RBFOX1: variants seen among roughly 807,000 people sequenced by gnomAD.
The protein encoded by RBFOX1 is RNA binding fox-1 homolog 1, also known as RNA binding protein fox-1 homolog 1.
In RBFOX1, 8 loss-of-function variants were observed where a neutral mutation model predicts 57.7. The ratio of observed to expected loss-of-function variants is 0.14; its 90% CI spans 0.08 to 0.25. The LOEUF is 0.25. RBFOX1 is among the 10% of genes least tolerant of loss of function. RBFOX1 has a pLI of 1.00. For synonymous variants in RBFOX1, 326 were observed against 222.4 expected, an observed-to-expected ratio of 1.47 and a Z score of -4.15; for missense variants, 611 against 548.5, an observed-to-expected ratio of 1.11 and a Z score of -1.14.
intron 2 of RBFOX1, among the ~76,000 whole-genome samples, chr16:5,512,409 C>T (rs1017249532): frequency 2.3e-5 from 3 of 130,956 alleles, no homozygotes; most frequent in African/African-American, 1.1e-4. Flanking sequence ...TCCTCCTACT[C>T]CTCTCTCTTT....
chr16:7,320,839 G>A (rs533845190), intron 4 of RBFOX1, among the ~76,000 whole-genome samples: 1 of 152,286 alleles, frequency 6.6e-6, no homozygotes, highest in East Asian at 1.9e-4. Flanking sequence ...ACCCTGTAAG[G>A]GGAGTGTTAT....
chr16:6,388,998 CT>C (rs1373950609), intron 2 of RBFOX1, among the ~76,000 whole-genome samples: 1 of 152,150 alleles, frequency 6.6e-6, no homozygotes, highest in African/African-American at 2.4e-5. Flanking sequence ...CCAGCTAAGC[CT>C]TAACCCTTTT....
At chr16:5,833,110 C>T (rs973374648) in intron 3 of RBFOX1, among the ~76,000 whole-genome samples, 18 of 152,046 alleles carry the variant, frequency 1.2e-4, no homozygotes, top group African/African-American at 4.3e-4. Context: ...GGGTAAGAAC[C>T]CCATACTAGA....
chr16:6,076,044 A>G lies in RBFOX1; in HGVS notation c.-127+56052A>G, dbSNP rs1310388181. On this transcript the variant is annotated intron_variant, in intron 1 of 15. Transcript: ENST00000550418. ...CCGGGCGTGGTGGCTCACGCCTGTA[A>G]TGTCAGCACTTTGGGAGGCTGAGGA... 2.0e-5 allele frequency among the ~76,000 whole-genome samples: 3 copies of G among 152,168 alleles called. 1 individual carries two copies. The highest frequency in any genetic ancestry group is 1.3e-4 in the Admixed American group (2 of 15,278).
chr16:7,060,176 C>T (rs2053810278), intron 4 of RBFOX1, among the ~76,000 whole-genome samples: 1 of 152,132 alleles, frequency 6.6e-6, no homozygotes, highest in African/African-American at 2.4e-5. Context: ...CATAGGGTCT[C>T]CATTGCCCCC....
intron 1 of RBFOX1, among the ~76,000 whole-genome samples, chr16:5,452,662 G>C (rs1364684980): frequency 7.3e-6 from 1 of 137,414 alleles, no homozygotes; most frequent in African/African-American, 2.7e-5. Context: ...TTTTTTTTTT[G>C]AGACAGAGTC....
intron 4 of RBFOX1, among the ~76,000 whole-genome samples, chr16:5,971,929 C>A (rs1236133899): frequency 2.0e-5 from 3 of 152,204 alleles, no homozygotes; most frequent in Non-Finnish European, 2.9e-5. Context: ...AGCTGAAGGC[C>A]TGAACAGAGC....
chr16:6,262,117 C>G (rs1405619365), intron 1 of RBFOX1, among the ~76,000 whole-genome samples: 5 of 152,084 alleles, frequency 3.3e-5, no homozygotes, highest in Non-Finnish European at 7.4e-5. Flanking sequence ...GGTGCAGAGA[C>G]TCCTTGACTT....
At chr16:7,388,133 C>A (rs963713866) in intron 4 of RBFOX1, among the ~76,000 whole-genome samples, 1 of 151,746 alleles carries the variant, frequency 6.6e-6, no homozygotes. Flanking sequence ...ATTGTGTTTG[C>A]ATAATCGAAA....
chr16:6,923,453 A>G (rs1432537100), intron 3 of RBFOX1, among the ~76,000 whole-genome samples: 2 of 152,198 alleles, frequency 1.3e-5, no homozygotes, highest in Non-Finnish European at 2.9e-5. Flanking sequence ...GAGTTGCTGG[A>G]AACCGGGAGG....
intron 2 of RBFOX1, among the ~76,000 whole-genome samples, chr16:6,650,879 A>C (rs1220020933): frequency 6.6e-6 from 1 of 152,026 alleles, no homozygotes; most frequent in Non-Finnish European, 1.5e-5. Context: ...TGGAGTCCCT[A>C]ATGTTTTTTG....
Position 5,254,022 on chromosome 16 carries a change from G to T in RBFOX1, c.219+13917G>T, listed in dbSNP as rs182709235. ...CAGGTACAGCTTCCTACTTCTGTGT[G>T]TGTCATCCTTCCCCTTCAAGACTGT... On this transcript the variant is annotated intron_variant, in intron 1 of 2. Coordinates refer to the RBFOX1 transcript ENST00000585867. Among the ~76,000 whole-genome samples, 461 of 152,266 alleles carry T rather than the reference G, an allele frequency of 3.0e-3. 1 individual carries two copies. Among genetic ancestry groups the T allele is most frequent in the Middle Eastern group, 0.017 (5 of 294 alleles).
chr16:6,822,760 G>C (rs1313611840), intron 3 of RBFOX1, among the ~76,000 whole-genome samples: 2 of 152,176 alleles, frequency 1.3e-5, no homozygotes, highest in African/African-American at 4.8e-5. Context: ...AAAGAACCCA[G>C]AAGAACCTAT....
At chr16:6,255,128 A>G (rs1005782174) in intron 1 of RBFOX1, among the ~76,000 whole-genome samples, 1 of 152,198 alleles carries the variant, frequency 6.6e-6, no homozygotes, top group Non-Finnish European at 1.5e-5. Flanking sequence ...TAAACAAGAA[A>G]GAAAGTCTGT....
At chr16:6,543,158 A>G (rs1331999506) in intron 2 of RBFOX1, among the ~76,000 whole-genome samples, 1 of 152,134 alleles carries the variant, frequency 6.6e-6, no homozygotes, top group Admixed American at 6.5e-5. Context: ...TTTGTACCCC[A>G]TCCCTTAGGT....
At chr16:7,248,844 A>G (rs191745033) in intron 4 of RBFOX1, among the ~76,000 whole-genome samples, 10 of 152,298 alleles carry the variant, frequency 6.6e-5, no homozygotes, top group East Asian at 1.9e-4. Flanking sequence ...GCTGTCATCT[A>G]TTTGTAATCT....
intron 3 of RBFOX1, among the ~76,000 whole-genome samples, chr16:5,786,173 C>G (rs529432757): frequency 6.6e-6 from 1 of 152,214 alleles, no homozygotes; most frequent in Non-Finnish European, 1.5e-5. Flanking sequence ...CCTGCCTCCA[C>G]TGTGTTCTCT....
At chr16:6,941,306 CCTTCCTTCCTTCCT>C (rs2078450928) in intron 3 of RBFOX1, among the ~76,000 whole-genome samples, 1 of 41,664 alleles carries the variant, frequency 2.4e-5, no homozygotes, top group African/African-American at 7.0e-5. Context: ...CTCCCTCCTT[CCTTCCTTCCTTCCT>C]TCCTTCCTTC....
chr16:5,578,149 A>G (rs1423702614), intron 2 of RBFOX1, among the ~76,000 whole-genome samples: 1 of 152,108 alleles, frequency 6.6e-6, no homozygotes, highest in Non-Finnish European at 1.5e-5. Context: ...ACAGGGTTTC[A>G]GCATGTTGGC....
Sources: gnomAD v4.1 joint callset for allele counts (sites outside exome capture counted in the v4.1 genomes callset) on GRCh38, gnomAD v4.1.1 for gene constraint, MANE v1.5 for transcripts, NCBI Gene and HGNC (gene_info 2026-07-23, HGNC 2026-07-21) for gene names.